Variants in COL4A6 observed in about 807,000 individuals in gnomAD.
COL4A6 encodes the protein collagen type IV alpha 6 chain.
COL4A6 carries 59 observed loss-of-function variants against 126.7 expected under a neutral mutation model. The ratio of observed to expected loss-of-function variants is 0.47; its 90% CI spans 0.38 to 0.58. The LOEUF (loss-of-function observed/expected upper bound fraction) is 0.58. COL4A6 is among the 20% of genes least tolerant of loss of function. COL4A6 has a pLI of 0.00. For synonymous variants in COL4A6, 547 were observed against 496.6 expected, an observed-to-expected ratio of 1.10 and a Z score of -1.35; for missense variants, 1,285 against 1,337.3, an observed-to-expected ratio of 0.96 and a Z score of 0.61.
intron 3 of COL4A6, among the ~76,000 whole-genome samples, chrX:108,264,206 C>G (rs2037239592): frequency 9.0e-6 from 1 of 111,403 alleles, no homozygotes; most frequent in Non-Finnish European, 1.9e-5. Context: ...CCCAGTGAAG[C>G]ACTTTCAGTC....
At chrX:108,326,290 T>C (rs986806372) in intron 2 of COL4A6, among the ~76,000 whole-genome samples, 14 of 112,526 alleles carry the variant, frequency 1.2e-4, no homozygotes, top group Non-Finnish European at 1.5e-4. Context: ...AAAAATGTCA[T>C]ATGATAACAT....
chrX:108,425,745 C>T (rs1445774792), intron 2 of COL4A6, among the ~76,000 whole-genome samples: 1 of 109,184 alleles, frequency 9.2e-6, no homozygotes, highest in African/African-American at 3.3e-5. Flanking sequence ...CACACACACA[C>T]ACACACACAC....
chrX:108,234,155 T>C (rs1046027875), intron 3 of COL4A6, among the ~76,000 whole-genome samples: 2 of 112,093 alleles, frequency 1.8e-5, no homozygotes, highest in Non-Finnish European at 3.8e-5. Context: ...CTAATGCTCA[T>C]AACAACACTG....
intron 3 of COL4A6, among the ~76,000 whole-genome samples, chrX:108,252,942 A>G (rs181999665): frequency 2.0e-3 from 226 of 112,070 alleles, no homozygotes; most frequent in Middle Eastern, 4.6e-3. Context: ...GCATTTGATA[A>G]CATCCATTCA....
intron 2 of COL4A6, among the ~76,000 whole-genome samples, chrX:108,437,311 A>G (rs1346190408): frequency 8.9e-6 from 1 of 112,093 alleles, no homozygotes; most frequent in African/African-American, 3.2e-5. Flanking sequence ...ATGACATCTA[A>G]ACAGCCTATG....
chrX:108,299,785 C>T (rs1462254066), intron 3 of COL4A6, among the ~76,000 whole-genome samples: 1 of 111,976 alleles, frequency 8.9e-6, no homozygotes, highest in Non-Finnish European at 1.9e-5. Context: ...GGTGTAAAGG[C>T]TGTCATAGCA....
intron 4 of COL4A6, among the ~76,000 whole-genome samples, chrX:108,220,048 T>A (rs1361353995): frequency 2.7e-5 from 3 of 111,295 alleles, no homozygotes; most frequent in Non-Finnish European, 5.7e-5. Flanking sequence ...AATGACCTAA[T>A]CACAAGTTTC....
chrX:108,249,744 ATTTT>A (rs905054305), intron 3 of COL4A6, among the ~76,000 whole-genome samples: 1 of 110,676 alleles, frequency 9.0e-6, no homozygotes, highest in Non-Finnish European at 1.9e-5. Flanking sequence ...GAGCATCAGG[ATTTT>A]TTTTAACCAC....
chrX:108,337,335 T>C (rs1302673137), intron 2 of COL4A6, among the ~76,000 whole-genome samples: 1 of 111,975 alleles, frequency 8.9e-6, no homozygotes, highest in Non-Finnish European at 1.9e-5. Context: ...TGGTACATAA[T>C]AGATGCCCAA....
At position 108,161,696 on chromosome X, in the gene COL4A6, G is replaced by C. The variant is rs1464214127; in HGVS notation, c.4256C>G (p.Pro1419Arg). ...GLPGIPGKDG[P>R]SGLPGPPGAL... ...CCCAGGTGGGCCTGGGAGCCCACTG[G>C]GGCCATCTTTACCGGGGATGCCAGG... Residue 1419 changes from proline to arginine, a missense_variant, in exon 42 of 45, where the codon CCC (proline) becomes CGC (arginine). Transcript: ENST00000334504. 1.7e-6 allele frequency: 2 copies of C among 1,207,324 alleles called. No individual in the cohort carries two copies. The highest frequency in any genetic ancestry group is 1.8e-5 in the South Asian group (1 of 56,620).
At chrX:108,426,753 C>T (rs1325781102) in intron 2 of COL4A6, among the ~76,000 whole-genome samples, 2 of 112,278 alleles carry the variant, frequency 1.8e-5, no homozygotes, top group Non-Finnish European at 3.8e-5. Flanking sequence ...AAAATAATAA[C>T]TGCAATAGTA....
rs150968872 is a variant in COL4A6 at position 108,226,833 on chromosome X, T to C, written c.145-5459A>G. ...AGGACTGTGAATTCTACCTCCAAAA[T>C]CTAACTGAAACCTGTTCATTGATCT... On this transcript the variant is annotated intron_variant, in intron 3 of 44. Transcript: ENST00000334504. 4.5e-3 allele frequency among the ~76,000 whole-genome samples: 496 copies of C among 111,295 alleles called. 6 individuals carry two copies. The highest frequency in any genetic ancestry group is 0.016 in the African/African-American group (479 of 30,601).
intron 2 of COL4A6, among the ~76,000 whole-genome samples, chrX:108,378,425 G>C (rs922467106): frequency 8.9e-6 from 1 of 112,059 alleles, no homozygotes; most frequent in Non-Finnish European, 1.9e-5. Context: ...AAAGTCTCCA[G>C]TACATGTATT....
At chrX:108,194,471 A>C in intron 16 of COL4A6, 63 bp downstream of exon 16, 2 of 1,034,375 alleles carry the variant, frequency 1.9e-6, no homozygotes, top group Non-Finnish European at 2.6e-6. Flanking sequence ...TCTTATATAC[A>C]GACATTTGTG....
intron 2 of COL4A6, among the ~76,000 whole-genome samples, chrX:108,333,674 T>C (rs1270214295): frequency 9.0e-6 from 1 of 111,573 alleles, no homozygotes; most frequent in Non-Finnish European, 1.9e-5. Context: ...CCTAAAAGAC[T>C]CTTAGATTTG....
chrX:108,292,829 G>A (rs988330848), intron 3 of COL4A6, among the ~76,000 whole-genome samples: 2 of 107,678 alleles, frequency 1.9e-5, no homozygotes, highest in Admixed American at 1.0e-4. Context: ...AAGCACTGTC[G>A]TCTCAGCTAC....
chrX:108,304,774 C>T (rs932473764), intron 3 of COL4A6, among the ~76,000 whole-genome samples: 6 of 111,695 alleles, frequency 5.4e-5, no homozygotes, highest in Admixed American at 9.5e-5. Context: ...AGAAAACCAT[C>T]GAAATCAGAT....
chrX:108,331,057 C>A (rs2039285816), intron 2 of COL4A6, among the ~76,000 whole-genome samples: 1 of 111,552 alleles, frequency 9.0e-6, no homozygotes, highest in Non-Finnish European at 1.9e-5. Flanking sequence ...GCCCCGGATG[C>A]TTTTCTTGTG....
chrX:108,287,447 C>T (rs1028639558), intron 3 of COL4A6, among the ~76,000 whole-genome samples: 4 of 111,766 alleles, frequency 3.6e-5, no homozygotes, highest in Non-Finnish European at 7.5e-5. Context: ...CAGATTCTTT[C>T]AAGGCTTGTT....
Sources: allele counts gnomAD v4.1 joint callset (sites outside exome capture counted in the v4.1 genomes callset), GRCh38; gene constraint gnomAD v4.1.1; transcripts MANE v1.5; gene names NCBI Gene and HGNC (gene_info 2026-07-23, HGNC 2026-07-21).